The following ENTHD1 variants were observed in gnomAD, a reference collection of about 807,000 sequenced individuals.
ENTHD1 encodes the protein ENTH domain containing 1, also known as ENTH domain-containing protein 1.
ENTHD1 carries 23 observed loss-of-function variants against 39.1 expected under a neutral mutation model. That is an observed-to-expected ratio of 0.59 (90% confidence interval 0.42 to 0.83). The LOEUF is 0.83. Ranked by LOEUF, ENTHD1 falls within the 40% of genes least tolerant of loss-of-function variation. The pLI, the probability that ENTHD1 is intolerant of heterozygous loss-of-function variation, is 0.00. For synonymous variants in ENTHD1, 230 were observed against 258.2 expected (o/e 0.89, Z 1.05); for missense variants, 624 against 705.4 (o/e 0.88, Z 1.31).
At position 39,792,392 on chromosome 22, in the gene ENTHD1, C is replaced by T. The variant is rs143912893; in HGVS notation, c.833-26783G>A. 3.9e-5 allele frequency among the ~76,000 whole-genome samples: 6 copies of T among 152,292 alleles called. No homozygotes were observed. The East Asian group carries it at 9.6e-4, about 24-fold the overall frequency. ...AGACTCCTGTGACAAATTTACTCCT[C>T]CCTCCTCAGTTACATGCTATTGTTA... On this transcript the variant is annotated intron_variant, in intron 5 of 6. Coordinates refer to ENST00000325157, the MANE Select transcript of ENTHD1 (RefSeq NM_152512.4).
At chr22:39,760,785 C>T (rs560446842) in intron 6 of ENTHD1, among the ~76,000 whole-genome samples, 11 of 152,008 alleles carry the variant, frequency 7.2e-5, no homozygotes, top group South Asian at 4.2e-4. Context: ...TTTCTACAAG[C>T]GTAATTAAAT....
chr22:39,875,520 G>A (rs553296629), intron 2 of ENTHD1: 5 of 1,604,580 alleles, frequency 3.1e-6, no homozygotes, highest in South Asian at 2.2e-5. Flanking sequence ...GCTTCTGTTT[G>A]TTATTCCCAC....
chr22:39,850,739 T>C lies in ENTHD1; in HGVS notation c.592+11026A>G, dbSNP rs1040475762. The stretch of plus-strand genomic sequence containing the variant: ...TATCATGCACGTTTACCTTTAAAAG[T>C]TTACAGTCAAAGAATATTCATTACC... On this transcript the variant is annotated intron_variant, in intron 3 of 6. Coordinates refer to ENST00000325157, the MANE Select transcript of ENTHD1 (RefSeq NM_152512.4). Among the ~76,000 whole-genome samples the C allele has an allele frequency of 7.2e-5, 11 of 152,242 alleles. 1 individual carries two copies. In the South Asian group the frequency reaches 1.7e-3, roughly 23 times the overall value.
chr22:39,806,782 C>G (rs148119843), intron 5 of ENTHD1, among the ~76,000 whole-genome samples: 29 of 152,272 alleles, frequency 1.9e-4, no homozygotes, highest in Non-Finnish European at 2.9e-4. Flanking sequence ...CCCTGCCTTC[C>G]AAATGCCAGT....
At position 39,744,106 on chromosome 22, in the gene ENTHD1, G is replaced by C; in HGVS notation, c.1397C>G (p.Ala466Gly). The C allele has an allele frequency of 1.9e-6, 3 of 1,614,106 alleles. No individual in the cohort carries two copies. Among genetic ancestry groups the C allele is most frequent in the Non-Finnish European group, 1.7e-6 (2 of 1,179,994 alleles). Residue 466 changes from alanine to glycine, a missense_variant, in exon 7 of 7, where the codon GCC (alanine) becomes GGC (glycine). Transcript: ENST00000325157. ...STSFKDEDKT[A>G]KLHHSFASRG... ...AGAAGCAAAGGAGTGATGCAGCTTG[G>C]CTGTCTTATCTTCATCTTTAAAGGA...
chr22:39,787,604 G>C (rs1039743205), intron 5 of ENTHD1, among the ~76,000 whole-genome samples: 1 of 152,164 alleles, frequency 6.6e-6, no homozygotes, highest in Non-Finnish European at 1.5e-5. Flanking sequence ...GGTCCAAATA[G>C]ATCAAACCAG....
intron 2 of ENTHD1, among the ~76,000 whole-genome samples, chr22:39,864,296 C>T (rs905715965): frequency 1.3e-5 from 2 of 152,128 alleles, no homozygotes; most frequent in Non-Finnish European, 2.9e-5. Flanking sequence ...CCAAGCTCTT[C>T]ATCTACTTAG....
chr22:39,882,284 C>T (rs2066344395), intron 2 of ENTHD1, among the ~76,000 whole-genome samples: 1 of 152,234 alleles, frequency 6.6e-6, no homozygotes, highest in Admixed American at 6.5e-5. Context: ...TAAAGTACTA[C>T]AGCAATTAAT....
intron 5 of ENTHD1, among the ~76,000 whole-genome samples, chr22:39,810,558 G>A (rs537587127): frequency 5.3e-5 from 8 of 152,250 alleles, no homozygotes; most frequent in Admixed American, 5.2e-4. Flanking sequence ...AATCTTTCTG[G>A]GGAAATTACA....
At chr22:39,773,475 T>G (rs1326794413) in intron 5 of ENTHD1, among the ~76,000 whole-genome samples, 1 of 152,194 alleles carries the variant, frequency 6.6e-6, no homozygotes, top group East Asian at 1.9e-4. Context: ...AATAACAATG[T>G]ACTTAGAAGA....
At chr22:39,848,575 AT>A (rs1423738125) in intron 3 of ENTHD1, among the ~76,000 whole-genome samples, 2 of 152,118 alleles carry the variant, frequency 1.3e-5, no homozygotes, top group African/African-American at 4.8e-5. Flanking sequence ...TAAAGGACTC[AT>A]CTGATTAGAT....
At chr22:39,814,295 C>CAAAAAAAAAAAAAATA (rs1555930545) in intron 5 of ENTHD1, among the ~76,000 whole-genome samples, 2 of 97,740 alleles carry the variant, frequency 2.0e-5, no homozygotes, top group African/African-American at 3.6e-5. Flanking sequence ...CCCATCTCTA[C>CAAAAAAAAAAAAAATA]AAAAAAAAAA....
intron 5 of ENTHD1, among the ~76,000 whole-genome samples, chr22:39,820,729 A>C (rs2146648920): frequency 6.6e-6 from 1 of 152,336 alleles, no homozygotes; most frequent in East Asian, 1.9e-4. Flanking sequence ...AACTAAAATT[A>C]ATTTTCTGCT....
At chr22:39,765,176 T>TTGTGTGTG (rs71326782) in intron 6 of ENTHD1, 47 bp downstream of exon 6, 95,624 of 1,371,758 alleles carry the variant, frequency 0.07, 991 homozygotes, top group African/African-American at 0.11. Flanking sequence ...AGGTTTTTTG[T>TTGTGTGTG]TGTGTGTGTG....
At chr22:39,745,966 C>T (rs2065101546) in intron 6 of ENTHD1, among the ~76,000 whole-genome samples, 1 of 152,194 alleles carries the variant, frequency 6.6e-6, no homozygotes, top group Admixed American at 6.5e-5. Context: ...CTCTTTGTTT[C>T]AGAGGGTTTG....
intron 5 of ENTHD1, among the ~76,000 whole-genome samples, chr22:39,794,690 G>T (rs2065532714): frequency 6.6e-6 from 1 of 152,002 alleles, no homozygotes; most frequent in Admixed American, 6.6e-5. Context: ...TGTAGTCCCA[G>T]CTACTCAGGA....
intron 5 of ENTHD1, among the ~76,000 whole-genome samples, chr22:39,805,576 C>T (rs1431430783): frequency 6.6e-6 from 1 of 152,136 alleles, no homozygotes; most frequent in Non-Finnish European, 1.5e-5. Context: ...TCAGTTTCCC[C>T]TTAGCAGAAG....
intron 2 of ENTHD1, chr22:39,875,987 G>A (rs1393276151): frequency 8.1e-6 from 13 of 1,613,818 alleles, no homozygotes; most frequent in Non-Finnish European, 1.0e-5. Context: ...AGATTTTGGT[G>A]GTTATTACTG....
chr22:39,819,661 G>A (rs940185981), intron 5 of ENTHD1, among the ~76,000 whole-genome samples: 1 of 152,032 alleles, frequency 6.6e-6, no homozygotes, highest in African/African-American at 2.4e-5. Context: ...TATAATGGTG[G>A]ATACACATCA....
Sources: allele counts gnomAD v4.1 joint callset (sites outside exome capture counted in the v4.1 genomes callset), GRCh38; gene constraint gnomAD v4.1.1; transcripts MANE v1.5; gene names NCBI Gene and HGNC (gene_info 2026-07-23, HGNC 2026-07-21).